Variants in CCDC85A observed in about 807,000 individuals in gnomAD.
CCDC85A encodes the protein coiled-coil domain containing 85A.
Under a neutral mutation model 50.2 loss-of-function variants are expected in CCDC85A, and 38 were observed. The ratio of observed to expected loss-of-function variants is 0.76; its 90% CI spans 0.58 to 0.99. The LOEUF (loss-of-function observed/expected upper bound fraction) is 0.99. CCDC85A is among the 50% of genes least tolerant of loss of function. CCDC85A has a pLI of 0.00. For missense variants in CCDC85A, 820 were observed against 742.0 expected (o/e 1.11, Z -1.22); for synonymous variants, 366 against 301.4 (o/e 1.21, Z -2.22).
At chr2:56,350,636 G>A (rs147099903) in intron 3 of CCDC85A, among the ~76,000 whole-genome samples, 2 of 152,100 alleles carry the variant, frequency 1.3e-5, no homozygotes, top group African/African-American at 2.4e-5. Context: ...GTGATTTCCA[G>A]TAGAGCAGTC....
chr2:56,311,632 T>G (rs1426961568), intron 2 of CCDC85A, among the ~76,000 whole-genome samples: 1 of 152,120 alleles, frequency 6.6e-6, no homozygotes, highest in Non-Finnish European at 1.5e-5. Flanking sequence ...GGAGAGAAAG[T>G]AACTAACATT....
At chr2:56,378,670 T>C (rs1045203410) in intron 5 of CCDC85A, among the ~76,000 whole-genome samples, 6 of 152,302 alleles carry the variant, frequency 3.9e-5, no homozygotes, top group Middle Eastern at 3.4e-3. Context: ...GTGATCAGAT[T>C]ATTTATTACA....
In CCDC85A at chr2:56,192,864, C is replaced by A; in HGVS notation, c.664C>A (p.Pro222Thr). Residue 222 changes from proline to threonine, a missense_variant, in exon 2 of 6, where the codon CCG (proline) becomes ACG (threonine). Transcript: ENST00000407595. This position sits in a 1 kb window ranked among gnomAD's most constrained non-coding sequence, Gnocchi z 4.7. ...CTCCAGCACTGGCAGCACTGACAGCCCGGACCACCACAAGCACCACGCGAG... is the reference window on the plus strand; with the variant it reads ...CTCCAGCACTGGCAGCACTGACAGCACGGACCACCACAAGCACCACGCGAG... ...STSSTGSTDS[P>T]DHHKHHASSG... 6.2e-7 allele frequency: 1 copy of A among 1,613,214 alleles called. No individual in the cohort carries two copies. The highest frequency in any genetic ancestry group is 8.5e-7 in the Non-Finnish European group (1 of 1,179,600).
Position 56,192,510 on chromosome 2 carries a change from G to T in CCDC85A, c.310G>T (p.Glu104Ter). 1 of 1,613,566 alleles carries T rather than the reference G, an allele frequency of 6.2e-7. No homozygotes were observed. Among genetic ancestry groups the T allele is most frequent in the Non-Finnish European group, 8.5e-7 (1 of 1,179,728 alleles). The change falls in exon 2 of 6, where the codon GAA becomes TAA. Residue 104 changes from glutamate (E) to a stop codon, truncating the protein, a stop_gained. Coordinates refer to ENST00000407595, the MANE Select transcript of CCDC85A (RefSeq NM_001080433.2). LOFTEE classifies it high-confidence loss of function. This position sits in a 1 kb window ranked among gnomAD's most constrained non-coding sequence, Gnocchi z 4.7. ...INQKLQEDNQ[E>*]LRDLCCFLDD... ...CCAGAAACTCCAGGAAGACAACCAG[G>T]AACTGAGGGACCTCTGCTGTTTCCT...
chr2:56,240,894 G>C (rs921197903), intron 2 of CCDC85A, among the ~76,000 whole-genome samples: 3 of 152,118 alleles, frequency 2.0e-5, no homozygotes, highest in Admixed American at 6.6e-5. Context: ...TCTCCTGGGA[G>C]TGGAATTGCT....
intron 2 of CCDC85A, among the ~76,000 whole-genome samples, chr2:56,284,630 C>T (rs144148327): frequency 1.2e-4 from 19 of 152,294 alleles, no homozygotes; most frequent in East Asian, 1.2e-3. Context: ...GCCTTGGCCT[C>T]CCAAACTGCC....
intron 5 of CCDC85A, among the ~76,000 whole-genome samples, chr2:56,382,385 A>G (rs1447465806): frequency 1.3e-5 from 2 of 152,004 alleles, no homozygotes; most frequent in Admixed American, 6.6e-5. Flanking sequence ...GATGTTGTTG[A>G]CATCTACACA....
At position 56,332,873 on chromosome 2, in the gene CCDC85A, C is replaced by T. The variant is rs1360796642; in HGVS notation, c.1241-10006C>T. ...ACGTCATTACAGAATTGGAATTAGGCCCTATTTAAATACAAATCCTGTTTT... is the reference window on the plus strand; with the variant it reads ...ACGTCATTACAGAATTGGAATTAGGTCCTATTTAAATACAAATCCTGTTTT... On this transcript the variant is annotated intron_variant, in intron 2 of 5. Transcript: ENST00000407595. Among the ~76,000 whole-genome samples, 6 of 152,108 alleles carry T rather than the reference C, an allele frequency of 3.9e-5. 1 individual carries two copies. The highest frequency in any genetic ancestry group is 1.9e-4 in the East Asian group (1 of 5,178).
At chr2:56,348,365 T>C (rs1273976933) in intron 3 of CCDC85A, among the ~76,000 whole-genome samples, 1 of 152,218 alleles carries the variant, frequency 6.6e-6, no homozygotes, top group African/African-American at 2.4e-5. Context: ...GCACATGGGC[T>C]GTGGGTCCAC....
chr2:56,326,922 G>A (rs1673501767), intron 2 of CCDC85A, among the ~76,000 whole-genome samples: 1 of 151,984 alleles, frequency 6.6e-6, no homozygotes, highest in African/African-American at 2.4e-5. Flanking sequence ...CTTTAAGGAA[G>A]TACTTTTAAA....
Position 56,192,886 on chromosome 2 carries a change from C to G in CCDC85A, c.686C>G (p.Ala229Gly), listed in dbSNP as rs746024337. ...TDSPDHHKHH[A>G]SSGSPEHLQK... The stretch of plus-strand genomic sequence containing the variant: ...AGCCCGGACCACCACAAGCACCACG[C>G]GAGCAGTGGCAGCCCGGAGCACCTG... Residue 229 changes from alanine to glycine, a missense_variant, in exon 2 of 6, where the codon GCG (alanine) becomes GGG (glycine). By Grantham distance (60) the Ala-to-Gly change is moderately conservative. Coordinates refer to ENST00000407595, the MANE Select transcript of CCDC85A (RefSeq NM_001080433.2). This position sits in a 1 kb window ranked among gnomAD's most constrained non-coding sequence, Gnocchi z 4.7. The G allele has an allele frequency of 1.2e-6, 2 of 1,612,820 alleles. No individual in the cohort carries two copies. The highest frequency in any genetic ancestry group is 1.7e-6 in the Non-Finnish European group (2 of 1,179,486).
intron 2 of CCDC85A, among the ~76,000 whole-genome samples, chr2:56,267,508 T>C (rs890674663): frequency 2.0e-5 from 3 of 152,196 alleles, no homozygotes; most frequent in Non-Finnish European, 2.9e-5. Context: ...ATATTCAACA[T>C]AGTACACAGG....
intron 2 of CCDC85A, among the ~76,000 whole-genome samples, chr2:56,250,044 T>C (rs2103989579): frequency 6.6e-6 from 1 of 152,282 alleles, no homozygotes; most frequent in South Asian, 2.1e-4. Flanking sequence ...GGCAGGGGCT[T>C]TGTAGATGAT....
intron 3 of CCDC85A, among the ~76,000 whole-genome samples, chr2:56,355,277 A>G (rs1675165554): frequency 6.6e-6 from 1 of 152,184 alleles, no homozygotes; most frequent in African/African-American, 2.4e-5. Context: ...CTCCTTCCCC[A>G]GGGTCTACTG....
intron 2 of CCDC85A, among the ~76,000 whole-genome samples, chr2:56,255,444 A>G (rs1281317243): frequency 6.6e-6 from 1 of 152,164 alleles, no homozygotes; most frequent in African/African-American, 2.4e-5. Context: ...AGACAGGGTG[A>G]TAAGTAAAAG....
intron 2 of CCDC85A, among the ~76,000 whole-genome samples, chr2:56,309,773 G>A (rs1672607674): frequency 6.6e-6 from 1 of 152,146 alleles, no homozygotes; most frequent in Non-Finnish European, 1.5e-5. Flanking sequence ...AAGGATGCGT[G>A]CTGAACATTT....
At position 56,384,360 on chromosome 2, in the gene CCDC85A, C is replaced by T. The variant is rs1209201423; in HGVS notation, c.*5C>T. The T allele has an allele frequency of 1.9e-6, 3 of 1,607,220 alleles. No individual in the cohort carries two copies. The highest frequency in any genetic ancestry group is 2.2e-5 in the East Asian group (1 of 44,754). Reference sequence around the variant, plus strand: ...CAGTACAAAGGACCAATGTGAGATGCACTCTTTTTCAAACAGGAGATCACC... The same window carrying T: ...CAGTACAAAGGACCAATGTGAGATGTACTCTTTTTCAAACAGGAGATCACC... On this transcript the variant is annotated 3_prime_UTR_variant, in exon 6 of 6. Coordinates refer to ENST00000407595, the MANE Select transcript of CCDC85A (RefSeq NM_001080433.2).
intron 2 of CCDC85A, among the ~76,000 whole-genome samples, chr2:56,211,212 G>A (rs572135354): frequency 1.3e-5 from 2 of 152,176 alleles, no homozygotes; most frequent in East Asian, 3.9e-4. Flanking sequence ...AAGAGTGGGA[G>A]GCAGCATGGA....
chr2:56,276,476 G>C (rs6545562), intron 2 of CCDC85A, among the ~76,000 whole-genome samples: 12,213 of 152,012 alleles, frequency 0.08, 1,687 homozygotes, highest in African/African-American at 0.28. Context: ...AATTATGGGG[G>C]CAAGTCTTTC....
Sources: allele counts gnomAD v4.1 joint callset (sites outside exome capture counted in the v4.1 genomes callset), GRCh38; gene constraint gnomAD v4.1.1; non-coding constraint Gnocchi (gnomAD v3.1); transcripts MANE v1.5; gene names NCBI Gene and HGNC (gene_info 2026-07-23, HGNC 2026-07-21).